RBFOX1: variants seen among roughly 807,000 people sequenced by gnomAD.
RBFOX1 encodes the protein RNA binding fox-1 homolog 1, also known as RNA binding protein fox-1 homolog 1.
In RBFOX1, 8 loss-of-function variants were observed where a neutral mutation model predicts 57.7. The ratio of observed to expected loss-of-function variants is 0.14; its 90% CI spans 0.08 to 0.25. The LOEUF is 0.25. Ranked by LOEUF, RBFOX1 falls within the 10% of genes least tolerant of loss-of-function variation. The pLI is 1.00. For synonymous variants in RBFOX1, 326 were observed against 222.4 expected, an observed-to-expected ratio of 1.47 and a Z score of -4.15; for missense variants, 611 against 548.5, an observed-to-expected ratio of 1.11 and a Z score of -1.14.
chr16:7,405,444 C>T (rs371503550), intron 4 of RBFOX1, among the ~76,000 whole-genome samples: 1 of 152,224 alleles, frequency 6.6e-6, no homozygotes, highest in Admixed American at 6.5e-5. Context: ...GAGCTCCGGG[C>T]GAAGTGTGTT....
chr16:6,170,817 G>A (rs146334409), intron 1 of RBFOX1, among the ~76,000 whole-genome samples: 27 of 152,096 alleles, frequency 1.8e-4, no homozygotes, highest in South Asian at 8.3e-4. Flanking sequence ...CTTTAGTACC[G>A]TTTATTAGTG....
rs184587981 is a variant in RBFOX1 at position 6,856,659 on chromosome 16, A to G, written c.-15-195398A>G. Among the ~76,000 whole-genome samples, 6 of 152,296 alleles carry G rather than the reference A, an allele frequency of 3.9e-5. No homozygotes were observed. The East Asian group carries it at 1.2e-3, about 29-fold the overall frequency. On this transcript the variant is annotated intron_variant, in intron 3 of 15. Coordinates refer to ENST00000550418, the MANE Select transcript of RBFOX1 (RefSeq NM_018723.4). ...ACCTCTTGTGCAGGAATATTTATAT[A>G]TTCCTGTATTCTTCAAGATGTTACA...
At chr16:7,557,349 G>A (rs547853500) in intron 5 of RBFOX1, among the ~76,000 whole-genome samples, 103 of 152,188 alleles carry the variant, frequency 6.8e-4, no homozygotes, top group African/African-American at 2.4e-3. Flanking sequence ...GCCGGGTGTG[G>A]TGGCTTTCAC....
intron 14 of RBFOX1, among the ~76,000 whole-genome samples, chr16:7,693,531 C>G (rs910046016): frequency 2.0e-5 from 3 of 150,398 alleles, no homozygotes; most frequent in Non-Finnish European, 4.4e-5. Context: ...CCTTGAGGCT[C>G]TGCCATATAA....
At chr16:6,779,401 TC>T (rs1332858155) in intron 3 of RBFOX1, among the ~76,000 whole-genome samples, 1 of 152,012 alleles carries the variant, frequency 6.6e-6, no homozygotes, top group Admixed American at 6.6e-5. Context: ...CCACATTTTT[TC>T]ATTCGGTTCA....
At chr16:7,482,290 T>C (rs1054163976) in intron 4 of RBFOX1, among the ~76,000 whole-genome samples, 6 of 152,222 alleles carry the variant, frequency 3.9e-5, no homozygotes, top group African/African-American at 1.4e-4. Flanking sequence ...ATCTTCGCAG[T>C]AACTCTGTGA....
intron 2 of RBFOX1, among the ~76,000 whole-genome samples, chr16:5,477,213 G>A (rs1002265651): frequency 6.6e-6 from 1 of 152,160 alleles, no homozygotes; most frequent in Non-Finnish European, 1.5e-5. Context: ...ATGGGGTCTT[G>A]CTTTGTTGCC....
At chr16:6,588,741 T>G (rs891231017) in intron 2 of RBFOX1, among the ~76,000 whole-genome samples, 2 of 152,190 alleles carry the variant, frequency 1.3e-5, no homozygotes, top group Non-Finnish European at 2.9e-5. Context: ...GACCATTTTC[T>G]TGTAGAACAT....
At chr16:7,356,634 G>C (rs73565856) in intron 4 of RBFOX1, among the ~76,000 whole-genome samples, 4,389 of 152,292 alleles carry the variant, frequency 0.029, 136 homozygotes, top group African/African-American at 0.079. Flanking sequence ...CAGGGCAGCA[G>C]CAGAATTTGG....
At chr16:7,582,509 G>T (rs890867925) in intron 6 of RBFOX1, among the ~76,000 whole-genome samples, 1 of 152,082 alleles carries the variant, frequency 6.6e-6, no homozygotes, top group Non-Finnish European at 1.5e-5. Context: ...GCCAAACACC[G>T]GTGGTCATGG....
At chr16:6,732,465 A>G (rs927129798) in intron 3 of RBFOX1, among the ~76,000 whole-genome samples, 1 of 152,206 alleles carries the variant, frequency 6.6e-6, no homozygotes, top group African/African-American at 2.4e-5. Flanking sequence ...TGGTGAGGTC[A>G]CCTGATTCAT....
At chr16:7,060,851 G>A (rs933387597) in intron 4 of RBFOX1, among the ~76,000 whole-genome samples, 2 of 152,150 alleles carry the variant, frequency 1.3e-5, no homozygotes, top group Admixed American at 6.5e-5. Flanking sequence ...GCATTCCTCT[G>A]TAAGCATGAA....
In RBFOX1 at chr16:5,333,799, A is replaced by T. The variant is rs77869924; in HGVS notation, c.219+93694A>T. ...ACCTCTACAGCATGTTATTTTACTG[A>T]ATCTGGTAGGCATTTGTAACACAGT... On this transcript the variant is annotated intron_variant, in intron 1 of 2. Coordinates refer to the RBFOX1 transcript ENST00000585867. Among the ~76,000 whole-genome samples the T allele has an allele frequency of 9.8e-3, 1,498 of 152,298 alleles. 13 individuals carry two copies. The highest frequency in any genetic ancestry group is 0.014 in the Non-Finnish European group (966 of 68,030).
chr16:7,320,809 C>G (rs1203884245), intron 4 of RBFOX1, among the ~76,000 whole-genome samples: 2 of 152,204 alleles, frequency 1.3e-5, no homozygotes, highest in African/African-American at 4.8e-5. Flanking sequence ...GGTTATATTA[C>G]TTAGAGCAAC....
At chr16:6,718,004 C>G (rs547212041) in intron 3 of RBFOX1, among the ~76,000 whole-genome samples, 31 of 152,230 alleles carry the variant, frequency 2.0e-4, no homozygotes, top group African/African-American at 7.0e-4. Flanking sequence ...TTTCTACCAC[C>G]ACCACCGTCA....
chr16:6,769,627 A>G (rs1018916841), intron 3 of RBFOX1, among the ~76,000 whole-genome samples: 1 of 152,180 alleles, frequency 6.6e-6, no homozygotes, highest in Non-Finnish European at 1.5e-5. Flanking sequence ...TCTCCAAATG[A>G]TGACTGTTGG....
At chr16:5,755,457 G>C (rs1277286246) in intron 3 of RBFOX1, among the ~76,000 whole-genome samples, 1 of 152,158 alleles carries the variant, frequency 6.6e-6, no homozygotes, top group Non-Finnish European at 1.5e-5. Flanking sequence ...TGAATCAATT[G>C]ATGGCATGTG....
intron 2 of RBFOX1, among the ~76,000 whole-genome samples, chr16:6,610,247 G>C (rs2098024459): frequency 6.6e-6 from 1 of 152,108 alleles, no homozygotes; most frequent in Non-Finnish European, 1.5e-5. Context: ...TTTAAATGTT[G>C]TAAAAACAAT....
rs979308023 is a variant in RBFOX1, at chr16:5,946,139, C to T, written c.351+78804C>T. On this transcript the variant is annotated intron_variant, in intron 4 of 19. Transcript: ENST00000641259. This position sits in a 1 kb window ranked among gnomAD's most constrained non-coding sequence, Gnocchi z 4.6. ...AAAAAAGATTTTGTTAATAGACCAC[C>T]ACTCCTGTCCTAACATGGCAGGATG... Among the ~76,000 whole-genome samples, 16 of 152,266 alleles carry T rather than the reference C, an allele frequency of 1.1e-4. No individual in the cohort carries two copies. The highest frequency in any genetic ancestry group is 7.8e-4 in the Admixed American group (12 of 15,294).
Sources: allele counts gnomAD v4.1 joint callset (sites outside exome capture counted in the v4.1 genomes callset), GRCh38; gene constraint gnomAD v4.1.1; non-coding constraint Gnocchi (gnomAD v3.1); transcripts MANE v1.5; gene names NCBI Gene and HGNC (gene_info 2026-07-23, HGNC 2026-07-21).